Variants in HACE1 observed in about 807,000 individuals in gnomAD.
The protein encoded by HACE1 is HECT domain and ankyrin repeat containing E3 ubiquitin protein ligase 1, also known as E3 ubiquitin-protein ligase HACE1.
In HACE1, 73 loss-of-function variants were observed where a neutral mutation model predicts 118.4. The observed-to-expected ratio is 0.62, with a 90% CI of 0.51 to 0.75. The LOEUF (loss-of-function observed/expected upper bound fraction) is 0.75. Among genes scored for constraint, HACE1 ranks in the 30% least tolerant of loss-of-function variants. The probability of loss-of-function intolerance (pLI) is 0.00; values close to 1 mark genes in which losing one functional copy is unlikely to be tolerated. For synonymous variants in HACE1, 368 were observed against 374.8 expected, an observed-to-expected ratio of 0.98 and a Z score of 0.21; for missense variants, 749 against 1,102.2, an observed-to-expected ratio of 0.68 and a Z score of 4.54.
At chr6:104,735,819 A>G (rs911895459) in intron 22 of HACE1, among the ~76,000 whole-genome samples, 11 of 152,156 alleles carry the variant, frequency 7.2e-5, no homozygotes, top group African/African-American at 2.4e-4. Context: ...TCCCACAAGG[A>G]TAGAAGCACA....
intron 6 of HACE1, among the ~76,000 whole-genome samples, chr6:104,829,890 G>A (rs549935660): frequency 1.3e-5 from 2 of 152,254 alleles, no homozygotes; most frequent in African/African-American, 2.4e-5. Context: ...GCTTTAGGTT[G>A]TAAACCATAT....
At chr6:104,853,339 C>T (rs1232450934) in intron 1 of HACE1, among the ~76,000 whole-genome samples, 1 of 152,150 alleles carries the variant, frequency 6.6e-6, no homozygotes, top group African/African-American at 2.4e-5. Context: ...AGACCCTTTA[C>T]ACAATAAATT....
chr6:104,737,230 T>G (rs1582578136), intron 22 of HACE1, among the ~76,000 whole-genome samples: 1 of 135,386 alleles, frequency 7.4e-6, no homozygotes, highest in Non-Finnish European at 1.5e-5. Flanking sequence ...GGGCGGAGGT[T>G]GCAGATCGAG....
At position 104,791,487 on chromosome 6, in the gene HACE1, C is replaced by T; in HGVS notation, c.1074+17G>A. On this transcript the variant is annotated intron_variant, in intron 11 of 23. Transcript: ENST00000262903. ...TTTTACGTCTATCTTCCTAACAATG[C>T]CATATACTTTTCTCACCTTGAACAC... 2 of 1,598,900 alleles carry T rather than the reference C, an allele frequency of 1.3e-6. No individual in the cohort carries two copies.
At chr6:104,841,471 T>A (rs1775114151) in intron 5 of HACE1, among the ~76,000 whole-genome samples, 1 of 152,270 alleles carries the variant, frequency 6.6e-6, no homozygotes, top group Non-Finnish European at 1.5e-5. Context: ...TCACTAAGCA[T>A]CCTACGGATA....
chr6:104,762,989 C>CAAAAAAA (rs56232124), intron 19 of HACE1, among the ~76,000 whole-genome samples: 11 of 32,140 alleles, frequency 3.4e-4, no homozygotes, highest in Middle Eastern at 0.013. Context: ...GACTCCATCT[C>CAAAAAAA]AAAAAAAAAA....
intron 19 of HACE1, among the ~76,000 whole-genome samples, chr6:104,763,989 G>A (rs1219089166): frequency 2.6e-5 from 4 of 151,956 alleles, no homozygotes; most frequent in African/African-American, 9.7e-5. Context: ...AAAGGTTGTA[G>A]TGGGCCGAGA....
intron 5 of HACE1, 62 bp from the exon 6 acceptor site, chr6:104,833,235 AAAT>A: frequency 7.0e-7 from 1 of 1,430,238 alleles, no homozygotes; most frequent in Non-Finnish European, 9.9e-7. Context: ...AACAGCAGAT[AAAT>A]AATGTTATTT....
chr6:104,778,837 T>C (rs1781468178), intron 14 of HACE1, among the ~76,000 whole-genome samples: 1 of 151,858 alleles, frequency 6.6e-6, no homozygotes, highest in Admixed American at 6.6e-5. Flanking sequence ...GTAAGATCTC[T>C]GCAAGATAGA....
At chr6:104,758,185 G>A (rs760787263) in intron 19 of HACE1, among the ~76,000 whole-genome samples, 35 of 152,054 alleles carry the variant, frequency 2.3e-4, no homozygotes, top group Non-Finnish European at 5.0e-4. Flanking sequence ...TCAAATTCAG[G>A]AAATACAGAG....
intron 22 of HACE1, among the ~76,000 whole-genome samples, chr6:104,734,515 A>G (rs528779883): frequency 6.6e-6 from 1 of 152,346 alleles, no homozygotes; most frequent in African/African-American, 2.4e-5. Flanking sequence ...AGATTTTAAA[A>G]AGCTTAAAAC....
chr6:104,791,141 A>C (rs1782979783), intron 11 of HACE1, among the ~76,000 whole-genome samples: 1 of 152,198 alleles, frequency 6.6e-6, no homozygotes, highest in Admixed American at 6.5e-5. Flanking sequence ...ATCTAAATAA[A>C]AACTGTGCAT....
chr6:104,852,195 C>CTGTGTG (rs201776642), intron 2 of HACE1, 122 bp downstream of exon 2: 7,220 of 552,368 alleles, frequency 0.013, 62 homozygotes, highest in Admixed American at 0.038. Context: ...TATGTCCAAA[C>CTGTGTG]TGTCTGTGTG....
chr6:104,843,810 ATTC>A lies in HACE1; in HGVS notation c.327-515_327-513del, dbSNP rs1775342568. ...GGAGGGTGAGGAGGGGGATGTAGAG[ATTC>A]TTTTTTTTTTAAGTTATTTGTATTG... On this transcript the variant is annotated intron_variant, in intron 4 of 23. Transcript: ENST00000262903. Among the ~76,000 whole-genome samples the A allele has an allele frequency of 2.0e-5, 3 of 151,854 alleles. No homozygotes were observed. In the East Asian group the frequency reaches 5.8e-4, roughly 29 times the overall value.
chr6:104,744,016 A>G lies in HACE1; in HGVS notation c.2513+144T>C, dbSNP rs1454872150. Reference sequence around the variant, plus strand: ...TGTCTTATCTTTAATACCAAAATAAATCTTTCTTTAATACCTAAAACAGTG... The same window carrying G: ...TGTCTTATCTTTAATACCAAAATAAGTCTTTCTTTAATACCTAAAACAGTG... On this transcript the variant is annotated intron_variant, in intron 22 of 23. Transcript: ENST00000262903. 3 of 632,228 alleles carry G rather than the reference A, an allele frequency of 4.7e-6. No individual in the cohort carries two copies. The Admixed American group carries it at 8.6e-5, about 18-fold the overall frequency. The allele number at this position is 632,228 out of a possible 1,614,324, so 39.2% of individuals were successfully genotyped here.
At chr6:104,806,801 A>T (rs545413894) in intron 7 of HACE1, among the ~76,000 whole-genome samples, 1 of 152,278 alleles carries the variant, frequency 6.6e-6, no homozygotes, top group South Asian at 2.1e-4. Flanking sequence ...TTAACTAATA[A>T]GAAACTTGTG....
intron 5 of HACE1, among the ~76,000 whole-genome samples, chr6:104,842,918 C>G (rs764651547): frequency 2.0e-5 from 3 of 152,178 alleles, no homozygotes; most frequent in Non-Finnish European, 2.9e-5. Context: ...TAGAAACCAG[C>G]CTGGCCAACA....
intron 19 of HACE1, among the ~76,000 whole-genome samples, chr6:104,753,915 T>C (rs1778336379): frequency 6.6e-6 from 1 of 152,156 alleles, no homozygotes; most frequent in Non-Finnish European, 1.5e-5. Context: ...GATGGCTGAA[T>C]TGACAGAAAT....
At chr6:104,819,187 C>A (rs938243772) in intron 6 of HACE1, among the ~76,000 whole-genome samples, 2 of 152,226 alleles carry the variant, frequency 1.3e-5, no homozygotes, top group African/African-American at 2.4e-5. Context: ...ACAACCTCAA[C>A]AAAGTCTCAG....
Sources: allele counts gnomAD v4.1 joint callset (sites outside exome capture counted in the v4.1 genomes callset), GRCh38; gene constraint gnomAD v4.1.1; transcripts MANE v1.5; gene names NCBI Gene and HGNC (gene_info 2026-07-23, HGNC 2026-07-21).